Variants in COLGALT2 observed in about 807,000 individuals in gnomAD.
COLGALT2 encodes procollagen galactosyltransferase 2.
In COLGALT2, 49 loss-of-function variants were observed where a neutral mutation model predicts 73.4. The ratio of observed to expected loss-of-function variants is 0.67; its 90% CI spans 0.53 to 0.85. The LOEUF (loss-of-function observed/expected upper bound fraction) is 0.85. COLGALT2 is among the 40% of genes least tolerant of loss of function. The pLI, the probability that COLGALT2 is intolerant of heterozygous loss-of-function variation, is 0.00. For synonymous variants in COLGALT2, 295 were observed against 307.6 expected (o/e 0.96, Z 0.43); for missense variants, 722 against 790.2 (o/e 0.91, Z 1.03).
chr1:183,961,356 G>A (rs2148674), intron 6 of COLGALT2, among the ~76,000 whole-genome samples: 69,884 of 151,818 alleles, frequency 0.46, 17,189 homozygotes, highest in African/African-American at 0.65. Flanking sequence ...TGTACTGAGA[G>A]CTTATACTCT....
At chr1:183,966,916 A>T (rs1670891815) in intron 5 of COLGALT2, among the ~76,000 whole-genome samples, 1 of 152,216 alleles carries the variant, frequency 6.6e-6, no homozygotes, top group African/African-American at 2.4e-5. Context: ...CTGGGGTGAA[A>T]GATTTAGGAC....
intron 8 of COLGALT2, 52 bp downstream of exon 8, chr1:183,950,955 G>T: frequency 1.5e-6 from 2 of 1,305,256 alleles, no homozygotes; most frequent in Non-Finnish European, 2.2e-6. Flanking sequence ...TGTCAGAGAA[G>T]ACACATCCAC....
At chr1:183,974,843 G>A (rs1047200459) in intron 3 of COLGALT2, among the ~76,000 whole-genome samples, 1 of 152,174 alleles carries the variant, frequency 6.6e-6, no homozygotes, top group African/African-American at 2.4e-5. Flanking sequence ...TCTTATGCCT[G>A]TTGCATGGCA....
Position 183,936,882 on chromosome 1 carries a change from G to T in COLGALT2, c.*1879C>A. 8.1e-7 allele frequency: 1 copy of T among 1,231,804 alleles called. No individual in the cohort carries two copies. Among genetic ancestry groups the T allele is most frequent in the Non-Finnish European group, 1.0e-6 (1 of 988,040 alleles). The allele number at this position is 1,231,804 out of a possible 1,614,324, so 76.3% of individuals were successfully genotyped here. ...TACCCACAGTGAGTCGGGAAGGAAG[G>T]CCGAGGCTGGCGTCTGGTGGAAGGC... On this transcript the variant is annotated 3_prime_UTR_variant, in exon 12 of 12. Transcript: ENST00000361927.
rs1422944113 is a variant in COLGALT2 at position 183,935,891 on chromosome 1, T to A, written c.*2870A>T. 2.0e-6 allele frequency: 2 copies of A among 985,288 alleles called. No individual in the cohort carries two copies. Among genetic ancestry groups the A allele is most frequent in the East Asian group, 2.3e-4 (2 of 8,836 alleles). 61.0% of individuals were successfully genotyped at this position (985,288 alleles called of 1,614,324 possible). A position where few individuals can be genotyped will look rare whatever the true frequency, so the allele number is the denominator to read the frequency against. On this transcript the variant is annotated 3_prime_UTR_variant, in exon 12 of 12. Coordinates refer to ENST00000361927, the MANE Select transcript of COLGALT2 (RefSeq NM_015101.4). ...AGAGCTCCAGAAGGCAAATAGTTTA[T>A]CACTTCCCCACTCTGAAATAGCACG...
chr1:184,009,285 C>T (rs1325698156), intron 1 of COLGALT2, among the ~76,000 whole-genome samples: 2 of 152,176 alleles, frequency 1.3e-5, no homozygotes, highest in Admixed American at 1.3e-4. Flanking sequence ...AATTTTCCTT[C>T]TGTTTCAACA....
In COLGALT2 at chr1:183,938,771, T is replaced by C. The variant is rs769227291; in HGVS notation, c.1871A>G (p.Asp624Gly). 2 of 1,614,074 alleles carry C rather than the reference T, an allele frequency of 1.2e-6. No homozygotes were observed. Among genetic ancestry groups the C allele is most frequent in the Non-Finnish European group, 1.7e-6 (2 of 1,179,990 alleles). The change falls in exon 12 of 12, where the codon GAT becomes GGT. Residue 624 changes from aspartate to glycine, a missense_variant. Physicochemically the swap from Asp to Gly is moderately conservative, Grantham distance 94. Coordinates refer to ENST00000361927, the MANE Select transcript of COLGALT2 (RefSeq NM_015101.4). The part of the protein sequence containing the change: ...PTSLDTVPSR[D>G]EL ...ACTCCCAGGGAGCCTTCATAGCTCA[T>C]CCCTTGAAGGCACAGTGTCCAGGGA...
In COLGALT2 at chr1:184,037,376, C is replaced by A. The variant is rs1393303043; in HGVS notation, c.-19G>T. On this transcript the variant is annotated 5_prime_UTR_variant, in exon 1 of 12. Transcript: ENST00000361927. ...CAGCCATGTTCCGGGCCGAGGCGGGCGGCGGGGAAGTCCTGGCGCGAGCGC... is the reference window on the plus strand; with the variant it reads ...CAGCCATGTTCCGGGCCGAGGCGGGAGGCGGGGAAGTCCTGGCGCGAGCGC... The A allele has an allele frequency of 5.7e-6, 8 of 1,392,966 alleles. No individual in the cohort carries two copies. Among genetic ancestry groups the A allele is most frequent in the South Asian group, 1.6e-5 (1 of 62,644 alleles). The allele number at this position is 1,392,966 out of a possible 1,614,324, so 86.3% of individuals were successfully genotyped here.
chr1:183,976,712 C>A (rs1671202635), intron 2 of COLGALT2, among the ~76,000 whole-genome samples: 1 of 152,030 alleles, frequency 6.6e-6, no homozygotes, highest in East Asian at 1.9e-4. Context: ...TAGCCCCTGC[C>A]AAAGAACTTA....
chr1:183,938,196 G>A lies in COLGALT2; in HGVS notation c.*565C>T. The A allele has an allele frequency of 6.3e-6, 6 of 947,060 alleles. No individual in the cohort carries two copies. Among genetic ancestry groups the A allele is most frequent in the Non-Finnish European group, 7.4e-6 (6 of 811,934 alleles). The allele number at this position is 947,060 out of a possible 1,614,324, so 58.7% of individuals were successfully genotyped here. A position where few individuals can be genotyped will look rare whatever the true frequency, so the allele number is the denominator to read the frequency against. On this transcript the variant is annotated 3_prime_UTR_variant, in exon 12 of 12. Coordinates refer to ENST00000361927, the MANE Select transcript of COLGALT2 (RefSeq NM_015101.4). ...ACCCCTACTGGATAACAGGGACTAA[G>A]ATTTTTTTTTTTTAAAAAATCTACT...
At chr1:184,001,533 G>A (rs1036407195) in intron 1 of COLGALT2, among the ~76,000 whole-genome samples, 1 of 151,834 alleles carries the variant, frequency 6.6e-6, no homozygotes, top group Non-Finnish European at 1.5e-5. Flanking sequence ...CCATCTTTTT[G>A]ACTTTATATA....
chr1:184,006,375 G>T (rs1046010081), intron 1 of COLGALT2, among the ~76,000 whole-genome samples: 1 of 151,974 alleles, frequency 6.6e-6, no homozygotes, highest in African/African-American at 2.4e-5. Flanking sequence ...ACCTGAGGTC[G>T]GGAGTTGAAG....
At chr1:183,967,932 A>G (rs10911474) in intron 5 of COLGALT2, among the ~76,000 whole-genome samples, 44,233 of 152,146 alleles carry the variant, frequency 0.29, 6,986 homozygotes, top group Non-Finnish European at 0.35. Flanking sequence ...AAGGGTCTAA[A>G]TTGCTCCAGC....
chr1:183,954,252 G>A (rs1670491205), intron 7 of COLGALT2, among the ~76,000 whole-genome samples: 2 of 146,660 alleles, frequency 1.4e-5, no homozygotes, highest in Admixed American at 1.4e-4. Flanking sequence ...CCTGCTGAAA[G>A]GCAGAATTTT....
At position 184,037,190 on chromosome 1, in the gene COLGALT2, G is replaced by T. The variant is rs1373532620; in HGVS notation, c.168C>A (p.Leu56=). 2 of 1,604,970 alleles carry T rather than the reference G, an allele frequency of 1.2e-6. No individual in the cohort carries two copies. The highest frequency in any genetic ancestry group is 1.7e-6 in the Non-Finnish European group (2 of 1,177,314). Residue 56 remains leucine (L), a synonymous_variant, in exon 1 of 12, where the codon CTC becomes CTA. Transcript: ENST00000361927. ...PESPLQSPTV[L]VAVLARNAAH... ...CCGCGTTGCGGGCGAGGACCGCCAC[G>T]AGCACCGTGGGGCTCTGCAGGGGCG...
chr1:184,005,077 C>T (rs1672035210), intron 1 of COLGALT2, among the ~76,000 whole-genome samples: 1 of 152,214 alleles, frequency 6.6e-6, no homozygotes. Flanking sequence ...GCTGAGGGCT[C>T]CCGCAAGTGA....
At chr1:183,991,028 C>G (rs2182622) in intron 1 of COLGALT2, among the ~76,000 whole-genome samples, 61,449 of 152,174 alleles carry the variant, frequency 0.4, 15,468 homozygotes, top group African/African-American at 0.69. Context: ...AAATATACAT[C>G]ATGTGCTGGC....
intron 1 of COLGALT2, among the ~76,000 whole-genome samples, chr1:184,031,817 ATCCTTCCTTCCTTCCTTCCTTCCTTCCT>A (rs57492822): frequency 1.4e-5 from 2 of 139,190 alleles, no homozygotes; most frequent in Admixed American, 7.3e-5. Context: ...CCATGAATGT[ATCCTTCCTTCCTTCCTTCCTTCCTTCCT>A]TCCTTCCTTC....
At chr1:183,963,477 C>T (rs1217510451) in intron 6 of COLGALT2, among the ~76,000 whole-genome samples, 2 of 152,118 alleles carry the variant, frequency 1.3e-5, no homozygotes, top group Non-Finnish European at 2.9e-5. Flanking sequence ...ACTACTGTGG[C>T]TGTATTAGCC....
Sources: gnomAD v4.1 joint callset for allele counts (sites outside exome capture counted in the v4.1 genomes callset) on GRCh38, gnomAD v4.1.1 for gene constraint, MANE v1.5 for transcripts, NCBI Gene and HGNC (gene_info 2026-07-23, HGNC 2026-07-21) for gene names.